The following HPSE2 variants were observed in gnomAD, a reference collection of about 807,000 sequenced individuals.
HPSE2 encodes the protein inactive heparanase-2.
A neutral mutation model predicts 60.5 loss-of-function variants in HPSE2; 38 were observed. The observed-to-expected ratio is 0.63, with a 90% CI of 0.48 to 0.82. The LOEUF (loss-of-function observed/expected upper bound fraction) is 0.82. HPSE2 is among the 40% of genes least tolerant of loss of function. HPSE2 has a pLI of 0.00. For missense variants in HPSE2, 713 were observed against 740.4 expected, an observed-to-expected ratio of 0.96 and a Z score of 0.43; for synonymous variants, 295 against 293.2, an observed-to-expected ratio of 1.01 and a Z score of -0.06.
intron 3 of HPSE2, among the ~76,000 whole-genome samples, chr10:98,793,632 G>A (rs1203744593): frequency 1.3e-5 from 2 of 152,210 alleles, no homozygotes; most frequent in East Asian, 3.8e-4. Context: ...ATAGTGATAA[G>A]TCACATGAAG....
intron 9 of HPSE2, among the ~76,000 whole-genome samples, chr10:98,562,601 G>C (rs1164472502): frequency 2.0e-5 from 3 of 151,860 alleles, no homozygotes; most frequent in Non-Finnish European, 4.4e-5. Context: ...TGTAGTCCCA[G>C]CTACTCGGGA....
At chr10:99,000,312 T>A (rs771608884) in intron 3 of HPSE2, among the ~76,000 whole-genome samples, 1 of 152,122 alleles carries the variant, frequency 6.6e-6, no homozygotes, top group Non-Finnish European at 1.5e-5. Flanking sequence ...AGGTTAAGAT[T>A]ATGAAACACT....
rs140766316 is a variant in HPSE2 at position 98,561,231 on chromosome 10, A to G, written c.1320+53673T>C. Among the ~76,000 whole-genome samples the G allele has an allele frequency of 4.5e-3, 662 of 148,566 alleles. 7 individuals carry two copies. Among genetic ancestry groups the G allele is most frequent in the African/African-American group, 0.015 (622 of 40,568 alleles). ...ACCCACACTGGAGTGCAGTGGCATG[A>G]TCTCGGCTCACTGCAACATCTGCCT... is the stretch of plus-strand genomic sequence containing the variant. On this transcript the variant is annotated intron_variant, in intron 9 of 11. Coordinates refer to ENST00000370552, the MANE Select transcript of HPSE2 (RefSeq NM_021828.5).
At chr10:98,547,276 A>C (rs1177523571) in intron 9 of HPSE2, among the ~76,000 whole-genome samples, 221 of 122,350 alleles carry the variant, frequency 1.8e-3, no homozygotes, top group East Asian at 4.5e-3. Context: ...AACTAGAAAT[A>C]CCATTTGACC....
intron 3 of HPSE2, among the ~76,000 whole-genome samples, chr10:98,845,293 T>C (rs1952008265): frequency 6.6e-6 from 1 of 152,224 alleles, no homozygotes. Flanking sequence ...TGCTGGAGGA[T>C]AGGTGAGCAG....
intron 6 of HPSE2, among the ~76,000 whole-genome samples, chr10:98,685,236 T>C (rs570437476): frequency 2.8e-4 from 42 of 152,332 alleles, no homozygotes; most frequent in African/African-American, 9.1e-4. Flanking sequence ...AAACCACTAA[T>C]CAGAGTTTAA....
chr10:99,082,412 T>A lies in HPSE2; in HGVS notation c.610+61826A>T, dbSNP rs147283853. On this transcript the variant is annotated intron_variant, in intron 3 of 11. Coordinates refer to ENST00000370552, the MANE Select transcript of HPSE2 (RefSeq NM_021828.5). ...CTGCACAGACTCTTTCATATCTTTG[T>A]TAAGGCTGAGCACCCCAGTTAAGCT... Among the ~76,000 whole-genome samples the A allele has an allele frequency of 1.3e-3, 197 of 152,306 alleles. 1 individual carries two copies. Among genetic ancestry groups the A allele is most frequent in the African/African-American group, 4.5e-3 (185 of 41,568 alleles).
intron 3 of HPSE2, among the ~76,000 whole-genome samples, chr10:98,748,731 A>T (rs972692332): frequency 3.9e-5 from 6 of 152,182 alleles, no homozygotes; most frequent in African/African-American, 1.4e-4. Flanking sequence ...GTCCACATAT[A>T]AGGGTCATGG....
At chr10:99,169,847 G>C (rs1319563636) in intron 2 of HPSE2, among the ~76,000 whole-genome samples, 1 of 152,086 alleles carries the variant, frequency 6.6e-6, no homozygotes, top group Non-Finnish European at 1.5e-5. Context: ...AAGTATTTTA[G>C]GTTTTGTGGG....
At chr10:98,535,416 T>C (rs1431632116) in intron 9 of HPSE2, among the ~76,000 whole-genome samples, 2 of 152,114 alleles carry the variant, frequency 1.3e-5, no homozygotes, top group Non-Finnish European at 2.9e-5. Context: ...TTGACTGTGG[T>C]GGTGTAATAT....
Position 98,668,086 on chromosome 10 carries a change from A to G in HPSE2, c.1004+25814T>C, listed in dbSNP as rs116228000. On this transcript the variant is annotated intron_variant, in intron 6 of 11. Coordinates refer to ENST00000370552, the MANE Select transcript of HPSE2 (RefSeq NM_021828.5). ...CAGTAAAGTTTCAGGATACAAAATC[A>G]ATATACAGAAATCGGTGGCATTTCA... 2.2e-3 allele frequency among the ~76,000 whole-genome samples: 339 copies of G among 152,332 alleles called. 3 individuals carry two copies. The highest frequency in any genetic ancestry group is 7.5e-3 in the African/African-American group (310 of 41,586).
Position 98,467,945 on chromosome 10 carries a change from G to A in HPSE2, c.1614-8206C>T, listed in dbSNP as rs568771972. ...ACGGGGGGTCCCAGGGCAGGTGCGG[G>A]GTCTGCGGCGCCCGCCACGACTCGG... On this transcript the variant is annotated intron_variant, in intron 11 of 11. Transcript: ENST00000370552. Among the ~76,000 whole-genome samples, 11 of 152,336 alleles carry A rather than the reference G, an allele frequency of 7.2e-5. No homozygotes were observed. The East Asian group carries it at 1.9e-3, about 27-fold the overall frequency.
intron 3 of HPSE2, among the ~76,000 whole-genome samples, chr10:99,109,223 A>C (rs117325430): frequency 6.6e-6 from 1 of 152,294 alleles, no homozygotes; most frequent in East Asian, 1.9e-4. Context: ...AGAACAATGA[A>C]CTCAAAATCC....
chr10:98,601,101 G>A (rs528917333), intron 9 of HPSE2, among the ~76,000 whole-genome samples: 1 of 145,344 alleles, frequency 6.9e-6, no homozygotes, highest in Admixed American at 7.2e-5. Context: ...TGCAGTTCAA[G>A]CCTGAAGGCA....
chr10:98,871,659 A>G (rs1952735714), intron 3 of HPSE2, among the ~76,000 whole-genome samples: 1 of 152,204 alleles, frequency 6.6e-6, no homozygotes, highest in African/African-American at 2.4e-5. Context: ...ATTTAATTAG[A>G]GCACAGAAGG....
Position 99,233,360 on chromosome 10 carries a change from C to A in HPSE2, c.291-855G>T, listed in dbSNP as rs1849731603. Among the ~76,000 whole-genome samples the A allele has an allele frequency of 1.3e-5, 2 of 152,198 alleles. 1 individual carries two copies. Among genetic ancestry groups the A allele is most frequent in the South Asian group, 4.1e-4 (2 of 4,826 alleles). ...CTTTCCCACTTGGGGCCGTTTGGAA[C>A]CGCTAGGGAAAATGAAGCTTGCCGA... is the stretch of plus-strand genomic sequence containing the variant. On this transcript the variant is annotated intron_variant, in intron 1 of 11. Transcript: ENST00000370552.
At chr10:99,101,537 A>G (rs553050725) in intron 3 of HPSE2, among the ~76,000 whole-genome samples, 4 of 152,196 alleles carry the variant, frequency 2.6e-5, no homozygotes, top group Non-Finnish European at 5.9e-5. Context: ...CACAATAATA[A>G]TGGGAAACTT....
At chr10:98,543,257 A>C (rs375665813) in intron 9 of HPSE2, among the ~76,000 whole-genome samples, 3 of 152,172 alleles carry the variant, frequency 2.0e-5, no homozygotes, top group Non-Finnish European at 4.4e-5. Context: ...GAAATAAAAT[A>C]CTTTACAGAC....
intron 3 of HPSE2, among the ~76,000 whole-genome samples, chr10:98,803,793 T>C (rs2134539192): frequency 6.6e-6 from 1 of 151,268 alleles, no homozygotes; most frequent in Non-Finnish European, 1.5e-5. Flanking sequence ...TAGGATTGAC[T>C]TGGCGATGCG....
Sources: gnomAD v4.1 joint callset for allele counts (sites outside exome capture counted in the v4.1 genomes callset) on GRCh38, gnomAD v4.1.1 for gene constraint, MANE v1.5 for transcripts, NCBI Gene and HGNC (gene_info 2026-07-23, HGNC 2026-07-21) for gene names.